Variants in TUT7 observed in about 807,000 individuals in gnomAD.
TUT7 encodes the protein terminal uridylyltransferase 7.
In TUT7, 33 loss-of-function variants were observed where a neutral mutation model predicts 165.9. That is an observed-to-expected ratio of 0.20 (90% CI 0.15 to 0.27). The LOEUF (loss-of-function observed/expected upper bound fraction) is 0.27. TUT7 is among the 10% of genes least tolerant of loss of function. TUT7 has a pLI of 1.00. For synonymous variants in TUT7, 552 were observed against 608.1 expected (o/e 0.91, Z 1.36); for missense variants, 1,338 against 1,762.3 (o/e 0.76, Z 4.31).
chr9:86,291,715 G>T (rs1825914414), intron 26 of TUT7, among the ~76,000 whole-genome samples: 1 of 152,088 alleles, frequency 6.6e-6, no homozygotes, highest in African/African-American at 2.4e-5. Flanking sequence ...AAAGTATTTG[G>T]AAGAATACAT....
chr9:86,344,889 A>AT, intron 5 of TUT7, 88 bp downstream of exon 5: 1 of 1,270,204 alleles, frequency 7.9e-7, no homozygotes. Context: ...TGGTAAATAA[A>AT]TTTTTATTTG....
At chr9:86,341,363 A>G (rs145788101) in intron 6 of TUT7, among the ~76,000 whole-genome samples, 1 of 152,324 alleles carries the variant, frequency 6.6e-6, no homozygotes, top group East Asian at 1.9e-4. Flanking sequence ...TGCTAACAAT[A>G]TTACCTTTCA....
In TUT7 at chr9:86,353,528, A is replaced by G. The variant is rs377038827; in HGVS notation, c.-31-298T>C. Among the ~76,000 whole-genome samples, 5 of 152,194 alleles carry G rather than the reference A, an allele frequency of 3.3e-5. No homozygotes were observed. In the East Asian group the frequency reaches 5.8e-4, roughly 18 times the overall value. ...ACTGTAGCATAGTAGAATATTACTC[A>G]TATCAAGTATGGTCGGCTTTTCCCT... On this transcript the variant is annotated intron_variant, in intron 1 of 26. Coordinates refer to ENST00000375963, the MANE Select transcript of TUT7 (RefSeq NM_024617.4).
intron 14 of TUT7, among the ~76,000 whole-genome samples, chr9:86,321,262 CAGG>C (rs1201375736): frequency 6.6e-6 from 1 of 150,940 alleles, no homozygotes; most frequent in African/African-American, 2.4e-5. Context: ...GAGGCTGAGG[CAGG>C]AGAATTGCTT....
chr9:86,349,276 T>C lies in TUT7; in HGVS notation c.521-2796A>G, dbSNP rs1832062600. ...CCTGGGCGACAAGAGTGAAACTCCATCTCAAAAAAAAAAAAGAAAAAAGAA... is the reference window on the plus strand; with the variant it reads ...CCTGGGCGACAAGAGTGAAACTCCACCTCAAAAAAAAAAAAGAAAAAAGAA... On this transcript the variant is annotated intron_variant, in intron 2 of 26. Transcript: ENST00000375963. 2.0e-5 allele frequency among the ~76,000 whole-genome samples: 3 copies of C among 149,206 alleles called. 1 individual carries two copies. Among genetic ancestry groups the C allele is most frequent in the Admixed American group, 6.7e-5 (1 of 14,924 alleles).
chr9:86,305,029 G>C lies in TUT7; in HGVS notation c.3887-82C>G, dbSNP rs542597161. ...ACAAATGACAAACTACCTGGGCCTG[G>C]TGGCGCCTGTTATTCTAGCACTCTG... On this transcript the variant is annotated intron_variant, in intron 23 of 26. Coordinates refer to ENST00000375963, the MANE Select transcript of TUT7 (RefSeq NM_024617.4). 2.4e-6 allele frequency: 3 copies of C among 1,230,642 alleles called. No individual in the cohort carries two copies. In the South Asian group the frequency reaches 4.0e-5, roughly 16 times the overall value. 76.2% of individuals were successfully genotyped at this position (1,230,642 alleles called of 1,614,324 possible).
intron 26 of TUT7, among the ~76,000 whole-genome samples, chr9:86,294,661 G>A (rs1033168022): frequency 2.0e-5 from 3 of 151,546 alleles, no homozygotes; most frequent in Admixed American, 1.3e-4. Context: ...ATATGTGAAT[G>A]TATAGGGAAA....
intron 26 of TUT7, among the ~76,000 whole-genome samples, chr9:86,299,696 T>C (rs1826702789): frequency 6.6e-6 from 1 of 152,160 alleles, no homozygotes; most frequent in African/African-American, 2.4e-5. Context: ...GCCAAAATCA[T>C]TGGTCTAACT....
chr9:86,350,569 A>G (rs1832189280), intron 2 of TUT7, among the ~76,000 whole-genome samples: 2 of 152,254 alleles, frequency 1.3e-5, no homozygotes, highest in African/African-American at 4.8e-5. Context: ...AGAGTAGCAG[A>G]GTCCCCAATT....
At chr9:86,299,481 C>A (rs527987771) in intron 26 of TUT7, among the ~76,000 whole-genome samples, 1 of 152,246 alleles carries the variant, frequency 6.6e-6, no homozygotes, top group African/African-American at 2.4e-5. Flanking sequence ...TGAACTGCCA[C>A]CAAAGGAAAT....
chr9:86,334,331 G>A lies in TUT7; in HGVS notation c.1455+3088C>T, dbSNP rs529534678. On this transcript the variant is annotated intron_variant, in intron 10 of 26. Coordinates refer to ENST00000375963, the MANE Select transcript of TUT7 (RefSeq NM_024617.4). ...AGGTCTTTACCCTCAGAGCTTAGTG[G>A]GATTCCTGGAGGTATAACTCACACA... 1.6e-4 allele frequency among the ~76,000 whole-genome samples: 24 copies of A among 152,208 alleles called. No homozygotes were observed. The South Asian group carries it at 4.8e-3, about 30-fold the overall frequency.
At chr9:86,312,433 C>A (rs537458493) in intron 17 of TUT7, among the ~76,000 whole-genome samples, 2 of 152,088 alleles carry the variant, frequency 1.3e-5, no homozygotes, top group African/African-American at 4.8e-5. Flanking sequence ...GCAGCCACCC[C>A]GTCTGGGAAG....
chr9:86,301,755 T>C, intron 25 of TUT7, 154 bp from the exon 26 acceptor site: 2 of 985,378 alleles, frequency 2.0e-6, no homozygotes, highest in Non-Finnish European at 2.4e-6. Context: ...TGAAAATCCA[T>C]CTTCTCTGTT....
Position 86,309,941 on chromosome 9 carries a change from T to G in TUT7, c.3455A>C (p.Lys1152Thr). 1 of 1,613,760 alleles carries G rather than the reference T, an allele frequency of 6.2e-7. No individual in the cohort carries two copies. The highest frequency in any genetic ancestry group is 8.5e-7 in the Non-Finnish European group (1 of 1,179,730). Residue 1152 changes from lysine (K) to threonine (T), a missense_variant, in exon 19 of 27, where the codon AAA (lysine) becomes ACA (threonine). By Grantham distance (78) the Lys-to-Thr change is moderately conservative (BLOSUM62 -1). Coordinates refer to ENST00000375963, the MANE Select transcript of TUT7 (RefSeq NM_024617.4). Reference protein sequence around the residue: ...PRVKYLCYTMKVFTKMCDIGD... With the variant: ...PRVKYLCYTMTVFTKMCDIGD... ...AAGCATACTCACCTTTGTAAATACT[T>G]TCATGGTATAGCACAAATACTTCAC...
intron 1 of TUT7, 48 bp from the exon 2 acceptor site, chr9:86,353,278 CATA>C: frequency 7.1e-7 from 1 of 1,414,144 alleles, no homozygotes; most frequent in South Asian, 1.4e-5. Context: ...AACAAGATAT[CATA>C]CAAGTATACA....
rs941680544 is a variant in TUT7, at chr9:86,338,858, C to A, written c.1300G>T (p.Val434Phe). The A allele has an allele frequency of 8.7e-6, 14 of 1,610,140 alleles. No homozygotes were observed. Among genetic ancestry groups the A allele is most frequent in the African/African-American group, 1.3e-5 (1 of 74,800 alleles). ...TALGKLEPKLVPLVIAFRYWA... is the reference protein window; with the variant it reads ...TALGKLEPKLFPLVIAFRYWA... The stretch of plus-strand genomic sequence containing the variant: ...TACCTAAATGCAATCACCAAAGGAA[C>A]CAGCTTTGGTTCTAGTTTTCCAAGG... The change falls in exon 9 of 27, where the codon GTT becomes TTT. Residue 434 changes from valine (V) to phenylalanine (F), a missense_variant. Coordinates refer to ENST00000375963, the MANE Select transcript of TUT7 (RefSeq NM_024617.4).
intron 12 of TUT7, among the ~76,000 whole-genome samples, chr9:86,324,199 C>A (rs989207943): frequency 2.6e-5 from 4 of 152,106 alleles, no homozygotes; most frequent in Non-Finnish European, 5.9e-5. Context: ...TGTTCAGAAC[C>A]AGTACCCCTT....
intron 6 of TUT7, among the ~76,000 whole-genome samples, 196 bp from the exon 7 acceptor site, chr9:86,341,249 GT>G (rs1179192135): frequency 6.6e-6 from 1 of 152,190 alleles, no homozygotes; most frequent in African/African-American, 2.4e-5. Flanking sequence ...GAAGACAAAT[GT>G]GGGCAAGAGA....
chr9:86,313,897 A>G (rs544067372), intron 17 of TUT7, among the ~76,000 whole-genome samples: 1 of 152,342 alleles, frequency 6.6e-6, no homozygotes, highest in South Asian at 2.1e-4. Context: ...GAAAATAAGT[A>G]GGTAGAAGAC....
Sources: allele counts gnomAD v4.1 joint callset (sites outside exome capture counted in the v4.1 genomes callset), GRCh38; gene constraint gnomAD v4.1.1; transcripts MANE v1.5; gene names NCBI Gene and HGNC (gene_info 2026-07-23, HGNC 2026-07-21).